Variants in COLEC11 observed in about 807,000 individuals in gnomAD.
COLEC11 encodes collectin subfamily member 11.
COLEC11 carries 20 observed loss-of-function variants against 27.3 expected under a neutral mutation model. The ratio of observed to expected loss-of-function variants is 0.73; its 90% confidence interval spans 0.51 to 1.06. COLEC11 has a LOEUF of 1.06. Ranked by LOEUF, COLEC11 falls within the 50% of genes least tolerant of loss-of-function variation. The pLI is 0.00. For synonymous variants in COLEC11, 163 were observed against 154.7 expected, an observed-to-expected ratio of 1.05 and a Z score of -0.40; for missense variants, 310 against 383.0, an observed-to-expected ratio of 0.81 and a Z score of 1.59.
intron 2 of COLEC11, chr2:3,605,980 A>T: frequency 7.4e-7 from 1 of 1,354,974 alleles, no homozygotes; most frequent in Non-Finnish European, 1.0e-6. Context: ...TAATTGTGAT[A>T]AATGTACCTG....
At chr2:3,621,709 GT>G (rs377018108) in intron 3 of COLEC11, among the ~76,000 whole-genome samples, 1 of 151,956 alleles carries the variant, frequency 6.6e-6, no homozygotes, top group South Asian at 2.1e-4. Flanking sequence ...TATGTACTAG[GT>G]TTTTTATTTG....
chr2:3,623,993 G>A (rs183651383), intron 3 of COLEC11, among the ~76,000 whole-genome samples: 9 of 152,312 alleles, frequency 5.9e-5, no homozygotes, highest in Admixed American at 4.6e-4. Context: ...AGCCTGGCTA[G>A]GGATTCTGAG....
chr2:3,635,351 C>G (rs1572464396), intron 3 of COLEC11, among the ~76,000 whole-genome samples: 2 of 152,170 alleles, frequency 1.3e-5, no homozygotes, highest in East Asian at 3.9e-4. Flanking sequence ...CCCCTTCACC[C>G]CCAGCCTGCT....
intron 3 of COLEC11, among the ~76,000 whole-genome samples, chr2:3,618,080 T>G (rs908130733): frequency 3.3e-5 from 5 of 152,266 alleles, no homozygotes; most frequent in Admixed American, 3.3e-4. Flanking sequence ...TCCTTACATA[T>G]TTTGGATATT....
chr2:3,635,206 G>C (rs1244252141), intron 3 of COLEC11, among the ~76,000 whole-genome samples: 3 of 149,118 alleles, frequency 2.0e-5, no homozygotes, highest in Non-Finnish European at 4.5e-5. Context: ...CCTTGGGGAG[G>C]CTTGGCACTC....
chr2:3,622,801 AT>A (rs1005061161), intron 3 of COLEC11, among the ~76,000 whole-genome samples: 2 of 152,174 alleles, frequency 1.3e-5, no homozygotes, highest in Admixed American at 1.3e-4. Flanking sequence ...GTAAAAAAGA[AT>A]TTCTTTTCTT....
intron 1 of COLEC11, among the ~76,000 whole-genome samples, chr2:3,599,829 G>A (rs1029125961): frequency 3.9e-5 from 6 of 152,220 alleles, no homozygotes; most frequent in South Asian, 2.1e-4. Flanking sequence ...CCCAGCACCC[G>A]TCAGTGGCAT....
intron 3 of COLEC11, chr2:3,617,775 C>T (rs1663882604): frequency 1.0e-6 from 1 of 959,068 alleles, no homozygotes; most frequent in Non-Finnish European, 1.7e-6. Context: ...TTGATTTTTT[C>T]AAGGAGCCTC....
At chr2:3,625,822 G>A (rs964874740) in intron 3 of COLEC11, among the ~76,000 whole-genome samples, 3 of 151,828 alleles carry the variant, frequency 2.0e-5, no homozygotes, top group Non-Finnish European at 2.9e-5. Context: ...TAGTGGAGAC[G>A]GGGTTTCACC....
intron 3 of COLEC11, among the ~76,000 whole-genome samples, chr2:3,631,797 T>C (rs1157204458): frequency 6.6e-6 from 1 of 151,870 alleles, no homozygotes; most frequent in Non-Finnish European, 1.5e-5. Flanking sequence ...TCTGGTCTCT[T>C]GGTCTCTGTC....
chr2:3,624,845 A>G (rs1194943780), intron 3 of COLEC11, among the ~76,000 whole-genome samples: 1 of 152,194 alleles, frequency 6.6e-6, no homozygotes, highest in Admixed American at 6.5e-5. Context: ...CCATCCTCCT[A>G]ACATCACCCA....
chr2:3,628,663 T>G (rs1664747032), intron 3 of COLEC11, among the ~76,000 whole-genome samples: 2 of 152,228 alleles, frequency 1.3e-5, no homozygotes, highest in Admixed American at 1.3e-4. Context: ...TGGCCTATTC[T>G]GAGATAAAAA....
chr2:3,636,605 G>A (rs966583212), intron 3 of COLEC11, among the ~76,000 whole-genome samples: 41 of 152,230 alleles, frequency 2.7e-4, no homozygotes, highest in Admixed American at 2.4e-3. Context: ...AAAAAGAATT[G>A]CTGAGTTAAA....
intron 3 of COLEC11, among the ~76,000 whole-genome samples, chr2:3,633,953 G>C (rs1355361432): frequency 6.6e-6 from 1 of 152,204 alleles, no homozygotes; most frequent in African/African-American, 2.4e-5. Context: ...CAGCTTTTCT[G>C]TAGGACCCTC....
intron 1 of COLEC11, among the ~76,000 whole-genome samples, chr2:3,598,931 C>T (rs1477040049): frequency 1.3e-5 from 2 of 152,174 alleles, no homozygotes; most frequent in Non-Finnish European, 2.9e-5. Context: ...TGGTATACAA[C>T]GTATATTGGC....
chr2:3,600,263 A>T lies in COLEC11; in HGVS notation c.-26-4052A>T, dbSNP rs976735605. Among the ~76,000 whole-genome samples, 4 of 123,148 alleles carry T rather than the reference A, an allele frequency of 3.2e-5. No homozygotes were observed. The Admixed American group carries it at 3.6e-4, about 11-fold the overall frequency. 80.8% of individuals were successfully genotyped at this position (123,148 alleles called of 152,430 possible). A position where few individuals can be genotyped will look rare whatever the true frequency, so the allele number is the denominator to read the frequency against. Reference sequence around the variant, plus strand: ...AAAAAAAAAAAAAAGCAAAACTCAAAAGCAAGCAAGGCTGGGCACAGTGGC... The same window carrying T: ...AAAAAAAAAAAAAAGCAAAACTCAATAGCAAGCAAGGCTGGGCACAGTGGC... On this transcript the variant is annotated intron_variant, in intron 1 of 6. Coordinates refer to ENST00000349077, the MANE Select transcript of COLEC11 (RefSeq NM_024027.5).
chr2:3,632,524 T>C (rs1665096202), intron 3 of COLEC11, among the ~76,000 whole-genome samples: 1 of 152,166 alleles, frequency 6.6e-6, no homozygotes, highest in Admixed American at 6.5e-5. Context: ...AATCCCGGCC[T>C]CTCTTTCTCT....
Position 3,640,445 on chromosome 2 carries a change from A to G in COLEC11, c.328+114A>G, listed in dbSNP as rs538968672. On this transcript the variant is annotated intron_variant, in intron 5 of 6. Transcript: ENST00000349077. ...CACAGTGGACACCCACCCCTGTCAC[A>G]TCCCACAGTGGACACCCACCCCCGT... is the stretch of plus-strand genomic sequence containing the variant. 294 of 702,452 alleles carry G rather than the reference A, an allele frequency of 4.2e-4. 5 individuals are homozygous for G. In the South Asian group the frequency reaches 4.4e-3, roughly 11 times the overall value. 43.5% of individuals were successfully genotyped at this position (702,452 alleles called of 1,614,324 possible).
At chr2:3,597,902 A>G (rs1445208242) in intron 1 of COLEC11, among the ~76,000 whole-genome samples, 1 of 152,050 alleles carries the variant, frequency 6.6e-6, no homozygotes, top group Non-Finnish European at 1.5e-5. Flanking sequence ...TTGTTTTGAC[A>G]TTATTTTTGT....
Sources: allele counts gnomAD v4.1 joint callset (sites outside exome capture counted in the v4.1 genomes callset), GRCh38; gene constraint gnomAD v4.1.1; transcripts MANE v1.5; gene names NCBI Gene and HGNC (gene_info 2026-07-23, HGNC 2026-07-21).